Variants in ZNF536 observed in about 807,000 individuals in gnomAD.
ZNF536 encodes the protein zinc finger protein 536.
Under a neutral mutation model 84.5 loss-of-function variants are expected in ZNF536, and 13 were observed. That is an observed-to-expected ratio of 0.15 (90% CI 0.10 to 0.24). ZNF536 has a LOEUF of 0.24. ZNF536 is among the 10% of genes least tolerant of loss of function. The pLI, the probability that ZNF536 is intolerant of heterozygous loss-of-function variation, is 1.00. For synonymous variants in ZNF536, 811 were observed against 742.5 expected (o/e 1.09, Z -1.50); for missense variants, 1,536 against 1,747.5 (o/e 0.88, Z 2.16).
chr19:30,535,534 T>A (rs1160271160), intron 3 of ZNF536, among the ~76,000 whole-genome samples: 3 of 152,126 alleles, frequency 2.0e-5, no homozygotes, highest in African/African-American at 7.2e-5. Context: ...GACTCTTCCC[T>A]GTATCTCCTC....
At chr19:30,623,074 A>C (rs1600063687) in intron 1 of ZNF536, among the ~76,000 whole-genome samples, 1 of 129,148 alleles carries the variant, frequency 7.7e-6, no homozygotes, top group African/African-American at 3.1e-5. Context: ...ATCTTGCTGC[A>C]TCACCCAGAC....
At chr19:30,489,809 A>G (rs1331282187) in intron 2 of ZNF536, among the ~76,000 whole-genome samples, 1 of 152,218 alleles carries the variant, frequency 6.6e-6, no homozygotes, top group African/African-American at 2.4e-5. Context: ...ATACCTTTCC[A>G]TATGTTCCAG....
At chr19:30,532,389 C>T (rs2044872413) in intron 2 of ZNF536, among the ~76,000 whole-genome samples, 1 of 152,124 alleles carries the variant, frequency 6.6e-6, no homozygotes, top group African/African-American at 2.4e-5. Context: ...CCTCAGCCTC[C>T]CAAAGTGTTG....
chr19:30,333,227 T>G (rs889864622), intron 2 of ZNF536, among the ~76,000 whole-genome samples: 5 of 152,168 alleles, frequency 3.3e-5, no homozygotes, highest in Non-Finnish European at 7.4e-5. Context: ...GAGAGCACAG[T>G]TCCATGACCA....
At chr19:30,591,610 G>A (rs1421556972) in intron 1 of ZNF536, among the ~76,000 whole-genome samples, 1 of 152,138 alleles carries the variant, frequency 6.6e-6, no homozygotes, top group African/African-American at 2.4e-5. Context: ...GGTGAGATTT[G>A]GGTGGGGACA....
At chr19:30,320,666 G>A (rs536700534) in intron 2 of ZNF536, among the ~76,000 whole-genome samples, 31 of 152,192 alleles carry the variant, frequency 2.0e-4, no homozygotes, top group Admixed American at 9.2e-4. Flanking sequence ...GGTGTGGAGC[G>A]TACGTGGTAT....
intron 2 of ZNF536, among the ~76,000 whole-genome samples, chr19:30,343,709 A>G (rs979105308): frequency 6.6e-6 from 1 of 152,200 alleles, no homozygotes; most frequent in Non-Finnish European, 1.5e-5. Context: ...TCTTGTCTGT[A>G]GCTGAGAAAC....
intron 2 of ZNF536, among the ~76,000 whole-genome samples, chr19:30,458,120 A>G (rs1248655113): frequency 6.6e-6 from 1 of 152,172 alleles, no homozygotes; most frequent in African/African-American, 2.4e-5. Context: ...GAACGTCCCC[A>G]CTTCACTTTG....
chr19:30,375,460 C>T (rs981157625), intron 1 of ZNF536, among the ~76,000 whole-genome samples: 1 of 152,148 alleles, frequency 6.6e-6, no homozygotes, highest in Non-Finnish European at 1.5e-5. Flanking sequence ...CCCGGGCGCG[C>T]CCCCGGCCCC....
In ZNF536 at chr19:30,297,876, C is replaced by CT. The variant is rs367560638; in HGVS notation, c.-120+13749dup. ...TAAATTTTCCCCACAAACTTCATGC[C>CT]TTTTTTTTTTTTTTCTCAAGACGGA... On this transcript the variant is annotated intron_variant, in intron 2 of 5. Transcript: ENST00000585628. Among the ~76,000 whole-genome samples the CT allele has an allele frequency of 2.0e-3, 272 of 138,864 alleles. 1 individual carries two copies. The highest frequency in any genetic ancestry group is 2.8e-3 in the African/African-American group (104 of 37,006). The allele number at this position is 138,864 out of a possible 152,430, so 91.1% of individuals were successfully genotyped here.
intron 1 of ZNF536, among the ~76,000 whole-genome samples, chr19:30,385,110 G>A (rs1430497672): frequency 1.3e-5 from 2 of 152,068 alleles, no homozygotes; most frequent in East Asian, 1.9e-4. Flanking sequence ...TCTAACACCC[G>A]GACTTGATGT....
intron 1 of ZNF536, among the ~76,000 whole-genome samples, chr19:30,632,228 C>T (rs1261992363): frequency 6.6e-6 from 1 of 152,182 alleles, no homozygotes. Flanking sequence ...GCTGGGGACG[C>T]ATTTTCTGTT....
intron 2 of ZNF536, among the ~76,000 whole-genome samples, chr19:30,484,866 G>A (rs556145019): frequency 4.8e-4 from 73 of 151,940 alleles, no homozygotes; most frequent in Middle Eastern, 3.4e-3. Flanking sequence ...CCTTGTTGCC[G>A]GGCGCGGTGG....
intron 1 of ZNF536, among the ~76,000 whole-genome samples, chr19:30,241,807 C>T (rs996354356): frequency 7.2e-5 from 11 of 152,304 alleles, no homozygotes; most frequent in African/African-American, 1.7e-4. Context: ...CCATTTCAAC[C>T]GTGCCCACGA....
In ZNF536 at chr19:30,537,417, G is replaced by C. The variant is rs78322736; in HGVS notation, c.2323+2418G>C. On this transcript the variant is annotated intron_variant, in intron 3 of 4. Coordinates refer to ENST00000355537, the MANE Select transcript of ZNF536 (RefSeq NM_014717.3). ...GTGGAAACCAGGCTAGGCATGTCTT[G>C]TCTTGTGTATTTCATGTCGACACAG... Among the ~76,000 whole-genome samples the C allele has an allele frequency of 4.8e-3, 732 of 152,302 alleles. 7 individuals are homozygous for C. Among genetic ancestry groups the C allele is most frequent in the African/African-American group, 0.017 (689 of 41,550 alleles).
intron 1 of ZNF536, among the ~76,000 whole-genome samples, chr19:30,272,321 C>T (rs1188044721): frequency 6.6e-6 from 1 of 152,146 alleles, no homozygotes; most frequent in African/African-American, 2.4e-5. Context: ...CTTCTGACCC[C>T]TCTCCATTAA....
intron 2 of ZNF536, among the ~76,000 whole-genome samples, chr19:30,350,494 A>G (rs1490653586): frequency 1.3e-5 from 2 of 152,236 alleles, no homozygotes; most frequent in African/African-American, 4.8e-5. Flanking sequence ...TCAATTACTG[A>G]TGTTACAATA....
In ZNF536 at chr19:30,272,035, A is replaced by G. The variant is rs1040073298; in HGVS notation, c.-189-12037A>G. ...TAGCCTCTCTGGGAATTTTTTGGAC[A>G]TCAGCTCATCGGAGAAGTGGCGGCC... On this transcript the variant is annotated intron_variant, in intron 1 of 5. Coordinates refer to the ZNF536 transcript ENST00000585628. 1.1e-4 allele frequency among the ~76,000 whole-genome samples: 16 copies of G among 152,346 alleles called. No homozygotes were observed. The East Asian group carries it at 2.9e-3, about 28-fold the overall frequency.
chr19:30,287,804 G>A (rs2045701311), intron 2 of ZNF536, among the ~76,000 whole-genome samples: 2 of 151,818 alleles, frequency 1.3e-5, no homozygotes, highest in Admixed American at 6.6e-5. Flanking sequence ...ATGGGAGGAT[G>A]GATGGATGGT....
Sources: gnomAD v4.1 joint callset for allele counts (sites outside exome capture counted in the v4.1 genomes callset) on GRCh38, gnomAD v4.1.1 for gene constraint, MANE v1.5 for transcripts, NCBI Gene and HGNC (gene_info 2026-07-23, HGNC 2026-07-21) for gene names.